Variants in IQGAP2 observed in about 807,000 individuals in gnomAD.
The protein encoded by IQGAP2 is IQ motif containing GTPase activating protein 2.
Under a neutral mutation model 201.3 loss-of-function variants are expected in IQGAP2, and 173 were observed. The observed-to-expected ratio is 0.86, with a 90% confidence interval of 0.76 to 0.98. The LOEUF (loss-of-function observed/expected upper bound fraction) is 0.98. Among genes scored for constraint, IQGAP2 ranks in the 50% least tolerant of loss-of-function variants. IQGAP2 has a pLI of 0.00. For missense variants in IQGAP2, 1,687 were observed against 1,864.8 expected, an observed-to-expected ratio of 0.90 and a Z score of 1.76; for synonymous variants, 675 against 673.9, an observed-to-expected ratio of 1.00 and a Z score of -0.03.
At position 76,674,590 on chromosome 5, in the gene IQGAP2, A is replaced by G. The variant is rs1056195238; in HGVS notation, c.3408A>G (p.Arg1136=). 1.9e-6 allele frequency: 3 copies of G among 1,613,982 alleles called. No individual in the cohort carries two copies. Among genetic ancestry groups the G allele is most frequent in the Non-Finnish European group, 8.5e-7 (1 of 1,180,006 alleles). ...GTCAGATAAATTCTGACCAAAGGAG[A>G]AACTTAGGATCAGTGGCCAAGGTTC... ...AGGQINSDQR[R]NLGSVAKVLQ... Residue 1136 remains arginine (R), a synonymous_variant, in exon 27 of 36, where the codon AGA becomes AGG. Transcript: ENST00000274364.
At chr5:76,676,609 T>G (rs771996558) in intron 27 of IQGAP2, among the ~76,000 whole-genome samples, 1 of 152,266 alleles carries the variant, frequency 6.6e-6, no homozygotes, top group Non-Finnish European at 1.5e-5. Flanking sequence ...CAAAACTTGC[T>G]TTAGCTTAAA....
chr5:76,668,186 G>A (rs561441451), intron 22 of IQGAP2, among the ~76,000 whole-genome samples: 1 of 152,104 alleles, frequency 6.6e-6, no homozygotes, highest in Admixed American at 6.6e-5. Flanking sequence ...CCCAAGCTTT[G>A]CCAGTGTCTT....
rs76377196 is a variant in IQGAP2, at chr5:76,666,047, A to T, written c.2679+872A>T. Reference sequence around the variant, plus strand: ...TGTTTGAGGATGTCACTGGCAGTAGATGTATAGAGAGCACATTACACAAAC... The same window carrying T: ...TGTTTGAGGATGTCACTGGCAGTAGTTGTATAGAGAGCACATTACACAAAC... On this transcript the variant is annotated intron_variant, in intron 22 of 35. Coordinates refer to ENST00000274364, the MANE Select transcript of IQGAP2 (RefSeq NM_006633.5). Among the ~76,000 whole-genome samples, 18 of 152,364 alleles carry T rather than the reference A, an allele frequency of 1.2e-4. No homozygotes were observed. The East Asian group carries it at 3.5e-3, about 29-fold the overall frequency.
In IQGAP2 at chr5:76,509,232, T is replaced by G. The variant is rs80285125; in HGVS notation, c.146+47563T>G. ...GGGAAATCTTAATCTAGCCAGCCAA[T>G]GGGAGTGTTAGGCAGACTTCACAAA... is the stretch of plus-strand genomic sequence containing the variant. On this transcript the variant is annotated intron_variant, in intron 2 of 35. Transcript: ENST00000274364. 8.4e-4 allele frequency among the ~76,000 whole-genome samples: 128 copies of G among 152,262 alleles called. 1 individual carries two copies. Among genetic ancestry groups the G allele is most frequent in the Middle Eastern group, 3.4e-3 (1 of 294 alleles).
At chr5:76,610,729 G>T (rs796988236) in intron 12 of IQGAP2, among the ~76,000 whole-genome samples, 3 of 151,930 alleles carry the variant, frequency 2.0e-5, no homozygotes, top group African/African-American at 7.2e-5. Context: ...TTTTCCCATG[G>T]TGTTGTATAG....
intron 30 of IQGAP2, among the ~76,000 whole-genome samples, chr5:76,688,689 C>G (rs142322114): frequency 2.5e-4 from 38 of 152,162 alleles, no homozygotes; most frequent in African/African-American, 9.2e-4. Context: ...ATCTGAAACA[C>G]TTTTGGGCCC....
chr5:76,545,018 TACATATATACATATC>T (rs1423269212), intron 2 of IQGAP2, among the ~76,000 whole-genome samples: 137 of 152,124 alleles, frequency 9.0e-4, no homozygotes, highest in Middle Eastern at 3.4e-3. Context: ...TTGTATACAG[TACATATATACATATC>T]TATAGTTTTC....
intron 2 of IQGAP2, among the ~76,000 whole-genome samples, chr5:76,491,961 T>G (rs6877305): frequency 0.42 from 64,221 of 151,536 alleles, 16,791 homozygotes; most frequent in African/African-American, 0.73. Flanking sequence ...TCCTCTCGAT[T>G]CTCCTGGAAC....
chr5:76,440,408 A>C (rs1752959125), intron 1 of IQGAP2, among the ~76,000 whole-genome samples: 1 of 152,116 alleles, frequency 6.6e-6, no homozygotes, highest in Non-Finnish European at 1.5e-5. Context: ...TAAAAGTAAA[A>C]TTTTAAAAAT....
chr5:76,654,816 CTGTCAGTTCTAAGTAG>C, intron 19 of IQGAP2, 102 bp from the exon 20 acceptor site: 3 of 641,296 alleles, frequency 4.7e-6, no homozygotes, highest in Non-Finnish European at 5.5e-6. Flanking sequence ...CATTGAAATA[CTGTCAGTTCTAAGTAG>C]TGTCAGTTCT....
chr5:76,477,412 G>T (rs188262989), intron 2 of IQGAP2, among the ~76,000 whole-genome samples: 2 of 152,252 alleles, frequency 1.3e-5, no homozygotes, highest in East Asian at 3.9e-4. Context: ...GCATGTTTTG[G>T]TAATAGTTAT....
chr5:76,593,800 C>A (rs752561458), intron 9 of IQGAP2, among the ~76,000 whole-genome samples: 3 of 152,284 alleles, frequency 2.0e-5, no homozygotes, highest in South Asian at 2.1e-4. Flanking sequence ...CAGTCCTAAA[C>A]CTTGCCTTCC....
At chr5:76,411,548 G>T (rs771217735) in intron 1 of IQGAP2, among the ~76,000 whole-genome samples, 2 of 152,142 alleles carry the variant, frequency 1.3e-5, no homozygotes, top group Non-Finnish European at 2.9e-5. Context: ...CTGCCCTCCT[G>T]AATGGGTTAA....
At chr5:76,586,481 T>G (rs888446964) in intron 5 of IQGAP2, among the ~76,000 whole-genome samples, 5 of 152,204 alleles carry the variant, frequency 3.3e-5, no homozygotes, top group Non-Finnish European at 5.9e-5. Flanking sequence ...GGAAGACATA[T>G]GAATGGCCAA....
intron 20 of IQGAP2, among the ~76,000 whole-genome samples, chr5:76,657,127 G>A (rs895601397): frequency 2.6e-5 from 4 of 152,110 alleles, no homozygotes; most frequent in Admixed American, 2.0e-4. Flanking sequence ...TATTAAATTC[G>A]AGCCATAACA....
intron 12 of IQGAP2, chr5:76,609,117 G>T (rs938942285): frequency 2.6e-6 from 4 of 1,535,538 alleles, no homozygotes; most frequent in Non-Finnish European, 3.5e-6. Flanking sequence ...TCTTAGAAAC[G>T]CAGCAGACAG....
At chr5:76,588,062 G>A (rs1262727055) in intron 5 of IQGAP2, among the ~76,000 whole-genome samples, 1 of 151,700 alleles carries the variant, frequency 6.6e-6, no homozygotes, top group African/African-American at 2.4e-5. Context: ...AAAAAAGCTT[G>A]ATCTTGAACT....
At chr5:76,547,852 A>G (rs986942307) in intron 2 of IQGAP2, among the ~76,000 whole-genome samples, 2 of 152,206 alleles carry the variant, frequency 1.3e-5, no homozygotes, top group Non-Finnish European at 2.9e-5. Flanking sequence ...CAGTTCTCCA[A>G]GGCCCTTTGG....
intron 2 of IQGAP2, among the ~76,000 whole-genome samples, chr5:76,471,625 T>C (rs916254635): frequency 6.6e-6 from 1 of 152,072 alleles, no homozygotes; most frequent in Non-Finnish European, 1.5e-5. Context: ...AGTTAGAGAA[T>C]CAGATTTGAA....
Sources: gnomAD v4.1 joint callset for allele counts (sites outside exome capture counted in the v4.1 genomes callset) on GRCh38, gnomAD v4.1.1 for gene constraint, MANE v1.5 for transcripts, NCBI Gene and HGNC (gene_info 2026-07-23, HGNC 2026-07-21) for gene names.